Variants in OPCML observed in about 807,000 individuals in gnomAD.
The protein encoded by OPCML is opioid-binding protein/cell adhesion molecule.
In OPCML, 13 loss-of-function variants were observed where a neutral mutation model predicts 37.8. The ratio of observed to expected loss-of-function variants is 0.34; its 90% CI spans 0.22 to 0.55. The LOEUF is 0.55. Among genes scored for constraint, OPCML ranks in the 20% least tolerant of loss-of-function variants. The pLI, the probability that OPCML is intolerant of heterozygous loss-of-function variation, is 0.91. For missense variants in OPCML, 341 were observed against 435.6 expected, an observed-to-expected ratio of 0.78 and a Z score of 1.93; for synonymous variants, 176 against 168.8, an observed-to-expected ratio of 1.04 and a Z score of -0.33.
intron 1 of OPCML, among the ~76,000 whole-genome samples, chr11:133,046,021 G>A (rs1286946683): frequency 6.6e-6 from 1 of 152,188 alleles, no homozygotes; most frequent in Non-Finnish European, 1.5e-5. Context: ...AGGAAAGACA[G>A]CCCTGTTCTC....
rs1162305568 is a variant in OPCML, at chr11:132,694,179, CTTTTTTTTTTTTTTTTT to C, written c.147-36877_147-36861del. Among the ~76,000 whole-genome samples, 370 of 43,012 alleles carry C rather than the reference CTTTTTTTTTTTTTTTTT, an allele frequency of 8.6e-3. 2 individuals are homozygous for C. The highest frequency in any genetic ancestry group is 0.01 in the Non-Finnish European group (247 of 24,682). The allele number at this position is 43,012 out of a possible 152,430, so 28.2% of individuals were successfully genotyped here. On this transcript the variant is annotated intron_variant, in intron 2 of 7. Transcript: ENST00000524381. The stretch of plus-strand genomic sequence containing the variant: ...GAGTTTCGTTCTGTGAAATCAATGT[CTTTTTTTTTTTTTTTTT>C]TTTTTTTTTTTTTTTTTTTTTAAGA...
chr11:132,694,254 A>C (rs1943520920), intron 2 of OPCML, among the ~76,000 whole-genome samples: 1 of 119,126 alleles, frequency 8.4e-6, no homozygotes, highest in Non-Finnish European at 1.6e-5. Context: ...GCTGGAGTGC[A>C]GTGGCGCGAT....
chr11:133,182,304 T>G (rs1458750685), intron 1 of OPCML, among the ~76,000 whole-genome samples: 1 of 152,218 alleles, frequency 6.6e-6, no homozygotes, highest in Admixed American at 6.5e-5. Context: ...CATTGATTTC[T>G]TATTATTTTG....
intron 1 of OPCML, among the ~76,000 whole-genome samples, chr11:133,036,039 C>G (rs1200909428): frequency 1.3e-5 from 2 of 152,174 alleles, no homozygotes; most frequent in African/African-American, 4.8e-5. Context: ...TAAGGCAGCC[C>G]TAGCAAACTA....
At chr11:133,472,083 AT>A (rs920700341) in intron 1 of OPCML, among the ~76,000 whole-genome samples, 55 of 150,686 alleles carry the variant, frequency 3.6e-4, no homozygotes, top group Middle Eastern at 3.5e-3. Context: ...GTTAAGTTTG[AT>A]TTTTTTTTTC....
At chr11:132,497,356 C>G (rs911186349) in intron 4 of OPCML, among the ~76,000 whole-genome samples, 1 of 150,664 alleles carries the variant, frequency 6.6e-6, no homozygotes, top group Middle Eastern at 3.2e-3. Flanking sequence ...CACACATTTA[C>G]CTATATAACA....
intron 1 of OPCML, among the ~76,000 whole-genome samples, chr11:132,983,029 A>C (rs1310291442): frequency 6.6e-6 from 1 of 152,150 alleles, no homozygotes; most frequent in Non-Finnish European, 1.5e-5. Context: ...CTCCTTGCCA[A>C]ATTATGATGG....
intron 1 of OPCML, among the ~76,000 whole-genome samples, chr11:133,049,318 C>A (rs1320517650): frequency 2.0e-5 from 3 of 152,116 alleles, no homozygotes; most frequent in Non-Finnish European, 2.9e-5. Context: ...GAATTGTCAC[C>A]AGGGAGGAGA....
chr11:132,419,236 G>A lies in OPCML; in HGVS notation c.*957C>T, dbSNP rs894074495. 2 of 152,184 alleles carry A rather than the reference G, an allele frequency of 1.3e-5. No homozygotes were observed. Among genetic ancestry groups the A allele is most frequent in the African/African-American group, 4.8e-5 (2 of 41,446 alleles). 9.4% of individuals were successfully genotyped at this position (152,184 alleles called of 1,614,324 possible). ...GGGATGAATTGATAGTGAGTAGTAG[G>A]GAGAGAATAGAAAGGAGTGTTAGAC... On this transcript the variant is annotated 3_prime_UTR_variant, in exon 8 of 8. Transcript: ENST00000524381.
chr11:132,571,859 A>G (rs182266796), intron 3 of OPCML, among the ~76,000 whole-genome samples: 1 of 152,296 alleles, frequency 6.6e-6, no homozygotes, highest in African/African-American at 2.4e-5. Context: ...TGTTTTTCAT[A>G]GCAGCTGTAC....
intron 1 of OPCML, among the ~76,000 whole-genome samples, chr11:133,223,391 C>T (rs752998400): frequency 3.9e-5 from 6 of 152,166 alleles, no homozygotes; most frequent in African/African-American, 1.2e-4. Context: ...TTGGGAGAAA[C>T]GACTAAGCAG....
intron 2 of OPCML, among the ~76,000 whole-genome samples, chr11:132,810,053 G>T (rs1021795072): frequency 2.0e-5 from 3 of 152,050 alleles, no homozygotes; most frequent in Non-Finnish European, 2.9e-5. Flanking sequence ...ATTTCACCAT[G>T]TTGGCCAGGA....
At chr11:132,872,513 C>T (rs1402755926) in intron 2 of OPCML, among the ~76,000 whole-genome samples, 5 of 152,116 alleles carry the variant, frequency 3.3e-5, no homozygotes, top group Non-Finnish European at 2.9e-5. Flanking sequence ...CTGGCCCAGT[C>T]TGCATATCTG....
chr11:132,541,463 G>A (rs1249691330), intron 3 of OPCML, among the ~76,000 whole-genome samples: 1 of 152,000 alleles, frequency 6.6e-6, no homozygotes, highest in Non-Finnish European at 1.5e-5. Flanking sequence ...TTTTGTCACA[G>A]TGTCTGGCAC....
At chr11:132,612,900 G>C (rs1938745684) in intron 3 of OPCML, among the ~76,000 whole-genome samples, 1 of 152,100 alleles carries the variant, frequency 6.6e-6, no homozygotes, top group African/African-American at 2.4e-5. Context: ...CTCCATAAGT[G>C]GCTTCTCATC....
intron 3 of OPCML, among the ~76,000 whole-genome samples, chr11:132,577,390 A>G (rs1474924054): frequency 6.6e-6 from 1 of 152,192 alleles, no homozygotes; most frequent in African/African-American, 2.4e-5. Flanking sequence ...AATTTTAAAA[A>G]ATAAAATAAG....
chr11:132,636,672 T>A (rs1351217721), intron 3 of OPCML, among the ~76,000 whole-genome samples: 1 of 152,228 alleles, frequency 6.6e-6, no homozygotes, highest in Non-Finnish European at 1.5e-5. Context: ...AATAATTTTC[T>A]TGACACTTCA....
At chr11:132,660,592 T>C (rs1316399660) in intron 2 of OPCML, among the ~76,000 whole-genome samples, 1 of 152,130 alleles carries the variant, frequency 6.6e-6, no homozygotes, top group African/African-American at 2.4e-5. Flanking sequence ...CTCAGAAATG[T>C]TGGGAAAATA....
intron 2 of OPCML, among the ~76,000 whole-genome samples, chr11:132,745,724 G>A (rs1473644790): frequency 6.6e-6 from 1 of 152,136 alleles, no homozygotes; most frequent in Non-Finnish European, 1.5e-5. Flanking sequence ...CACGTTGAAT[G>A]TGTGAGCGCA....
Sources: allele counts gnomAD v4.1 joint callset (sites outside exome capture counted in the v4.1 genomes callset), GRCh38; gene constraint gnomAD v4.1.1; transcripts MANE v1.5; gene names NCBI Gene and HGNC (gene_info 2026-07-23, HGNC 2026-07-21).